SH3PXD2B: variants seen among roughly 807,000 people sequenced by gnomAD.
The protein encoded by SH3PXD2B is SH3 and PX domain-containing protein 2B.
A neutral mutation model predicts 73.1 loss-of-function variants in SH3PXD2B; 37 were observed. That is an observed-to-expected ratio of 0.51 (90% confidence interval 0.39 to 0.67). The LOEUF (loss-of-function observed/expected upper bound fraction) is 0.67. SH3PXD2B is among the 30% of genes least tolerant of loss of function. The pLI is 0.00. For missense variants in SH3PXD2B, 1,053 were observed against 1,197.8 expected (o/e 0.88, Z 1.78); for synonymous variants, 457 against 480.5 (o/e 0.95, Z 0.64).
In SH3PXD2B at chr5:172,337,676, G is replaced by A. The variant is rs1468581840; in HGVS notation, c.*693C>T. On this transcript the variant is annotated 3_prime_UTR_variant, in exon 13 of 13. Coordinates refer to ENST00000311601, the MANE Select transcript of SH3PXD2B (RefSeq NM_001017995.3). The stretch of plus-strand genomic sequence containing the variant: ...AGCAGCAAAGCGCAGCATACGCGGG[G>A]CTGGAACCACCCTTCAGGGCTGACC... 4 of 988,012 alleles carry A rather than the reference G, an allele frequency of 4.0e-6. No individual in the cohort carries two copies. The highest frequency in any genetic ancestry group is 4.8e-6 in the Non-Finnish European group (4 of 831,736). 61.2% of individuals were successfully genotyped at this position (988,012 alleles called of 1,614,324 possible).
intron 4 of SH3PXD2B, among the ~76,000 whole-genome samples, chr5:172,384,690 T>C (rs539174534): frequency 6.6e-6 from 1 of 152,356 alleles, no homozygotes; most frequent in South Asian, 2.1e-4. Context: ...AAACACTTCC[T>C]TCCTTTTAAA....
At chr5:172,346,662 G>A (rs1014423263) in intron 11 of SH3PXD2B, among the ~76,000 whole-genome samples, 1 of 152,128 alleles carries the variant, frequency 6.6e-6, no homozygotes. Flanking sequence ...CTCCTGCAGA[G>A]TGGGCATAAC....
chr5:172,326,862 T>TTC (rs1756454995), intron 12 of SH3PXD2B, among the ~76,000 whole-genome samples: 1 of 150,184 alleles, frequency 6.7e-6, no homozygotes, highest in East Asian at 1.9e-4. Flanking sequence ...TCAAGATTTT[T>TTC]TTTTTTTTTT....
chr5:172,358,500 G>A (rs955401124), intron 8 of SH3PXD2B, among the ~76,000 whole-genome samples: 8 of 152,302 alleles, frequency 5.3e-5, no homozygotes, highest in Non-Finnish European at 8.8e-5. Flanking sequence ...ATCAGGCTGG[G>A]GCCCTCCTGG....
At chr5:172,422,350 A>G in intron 2 of SH3PXD2B, 66 bp downstream of exon 2, 3 of 1,387,834 alleles carry the variant, frequency 2.2e-6, no homozygotes, top group Non-Finnish European at 3.0e-6. Flanking sequence ...CTAAAGCTGT[A>G]GTGGAATGTA....
chr5:172,331,728 G>A (rs111913546), downstream of SH3PXD2B, among the ~76,000 whole-genome samples: 2 of 152,156 alleles, frequency 1.3e-5, no homozygotes, highest in Non-Finnish European at 2.9e-5. Context: ...AAGGCGGGCG[G>A]ATCACCTGAG....
downstream of SH3PXD2B, among the ~76,000 whole-genome samples, chr5:172,333,323 T>C (rs1001504972): frequency 6.6e-6 from 1 of 152,130 alleles, no homozygotes; most frequent in East Asian, 1.9e-4. Context: ...CCTTGGTTTG[T>C]GGACATTGTA....
chr5:172,443,781 C>T lies in SH3PXD2B; in HGVS notation c.75+10497G>A, dbSNP rs541173320. 5.3e-5 allele frequency among the ~76,000 whole-genome samples: 8 copies of T among 152,326 alleles called. No individual in the cohort carries two copies. The East Asian group carries it at 7.7e-4, about 15-fold the overall frequency. On this transcript the variant is annotated intron_variant, in intron 1 of 12. Transcript: ENST00000311601. ...TAGCTTTCTTTGCCAGCACAGCGGG[C>T]GGGGGGCCATGCAATTCTGCTTAAT...
chr5:172,442,276 T>C (rs1414361380), intron 1 of SH3PXD2B, among the ~76,000 whole-genome samples: 3 of 152,192 alleles, frequency 2.0e-5, no homozygotes, highest in East Asian at 1.9e-4. Flanking sequence ...CCATCAGAGA[T>C]GATGCTTTGG....
rs889023 is a variant in SH3PXD2B at position 172,335,096 on chromosome 5, C to A, written c.*3273G>T. 0.64 allele frequency: 630,921 copies of A among 985,482 alleles called. 203,209 individuals carry two copies. The highest frequency in any genetic ancestry group is 0.85 in the South Asian group (18,110 of 21,284). 61.0% of individuals were successfully genotyped at this position (985,482 alleles called of 1,614,324 possible). A position where few individuals can be genotyped will look rare whatever the true frequency, so the allele number is the denominator to read the frequency against. On this transcript the variant is annotated 3_prime_UTR_variant, in exon 13 of 13. Coordinates refer to ENST00000311601, the MANE Select transcript of SH3PXD2B (RefSeq NM_001017995.3). The stretch of plus-strand genomic sequence containing the variant: ...TGGCAAAGAAAGATTCCGAGCAGAA[C>A]ATGTGAGCAAAGGCCTCTTTTATCA...
intron 3 of SH3PXD2B, among the ~76,000 whole-genome samples, chr5:172,394,865 G>A (rs1242188367): frequency 1.3e-5 from 2 of 152,170 alleles, no homozygotes; most frequent in Non-Finnish European, 2.9e-5. Context: ...GGGGGAATGG[G>A]ACCCACGGAA....
intron 12 of SH3PXD2B, among the ~76,000 whole-genome samples, chr5:172,328,390 C>G (rs912614154): frequency 6.6e-6 from 1 of 152,164 alleles, no homozygotes; most frequent in African/African-American, 2.4e-5. Context: ...AGGTGTGAGC[C>G]ACCGCACCCA....
chr5:172,360,939 C>A (rs1757389943), intron 7 of SH3PXD2B, among the ~76,000 whole-genome samples: 1 of 152,200 alleles, frequency 6.6e-6, no homozygotes, highest in African/African-American at 2.4e-5. Context: ...GACATGTTCA[C>A]ACTGGAGTAC....
At chr5:172,444,265 C>T (rs1351826368) in intron 1 of SH3PXD2B, among the ~76,000 whole-genome samples, 1 of 152,194 alleles carries the variant, frequency 6.6e-6, no homozygotes, top group Non-Finnish European at 1.5e-5. Context: ...TGGTGATGTC[C>T]TAATACCTAC....
At chr5:172,409,036 T>G (rs559000836) in intron 2 of SH3PXD2B, among the ~76,000 whole-genome samples, 1 of 152,258 alleles carries the variant, frequency 6.6e-6, no homozygotes, top group South Asian at 2.1e-4. Flanking sequence ...TCCAGCTATC[T>G]GAAACTATAT....
intron 12 of SH3PXD2B, among the ~76,000 whole-genome samples, chr5:172,340,398 C>T (rs1288872235): frequency 1.3e-5 from 2 of 152,186 alleles, no homozygotes; most frequent in Admixed American, 6.5e-5. Flanking sequence ...TAACTCCTCT[C>T]CCCTTCTGGG....
At chr5:172,453,041 G>A (rs1044322762) in intron 1 of SH3PXD2B, among the ~76,000 whole-genome samples, 13 of 152,052 alleles carry the variant, frequency 8.5e-5, no homozygotes, top group African/African-American at 2.9e-4. Flanking sequence ...AGCGCGGAGT[G>A]GGTTCCCGGC....
intron 2 of SH3PXD2B, among the ~76,000 whole-genome samples, chr5:172,418,230 G>A (rs967475045): frequency 6.6e-6 from 1 of 152,178 alleles, no homozygotes; most frequent in African/African-American, 2.4e-5. Flanking sequence ...TTGTCTGAAG[G>A]ACTGAATGAG....
At chr5:172,410,172 G>T (rs2113438917) in intron 2 of SH3PXD2B, among the ~76,000 whole-genome samples, 1 of 152,330 alleles carries the variant, frequency 6.6e-6, no homozygotes, top group East Asian at 1.9e-4. Flanking sequence ...TGGTGGGATT[G>T]CTGAATCATA....
Sources: allele counts gnomAD v4.1 joint callset (sites outside exome capture counted in the v4.1 genomes callset), GRCh38; gene constraint gnomAD v4.1.1; transcripts MANE v1.5; gene names NCBI Gene and HGNC (gene_info 2026-07-23, HGNC 2026-07-21).